MYO9B: variants seen among roughly 807,000 people sequenced by gnomAD.
MYO9B encodes the protein unconventional myosin-IXb.
A neutral mutation model predicts 229.5 loss-of-function variants in MYO9B; 71 were observed. The ratio of observed to expected loss-of-function variants is 0.31; its 90% CI spans 0.26 to 0.38. The LOEUF (loss-of-function observed/expected upper bound fraction) is 0.38, where lower values mean the gene tolerates loss of function less well. MYO9B is among the 10% of genes least tolerant of loss of function. The probability of loss-of-function intolerance (pLI) is 1.00; values close to 1 mark genes in which losing one functional copy is unlikely to be tolerated. For synonymous variants in MYO9B, 1,185 were observed against 1,235.8 expected, an observed-to-expected ratio of 0.96 and a Z score of 0.86; for missense variants, 2,255 against 2,920.5, an observed-to-expected ratio of 0.77 and a Z score of 5.25.
At chr19:17,104,055 CAA>C (rs34012365) in intron 2 of MYO9B, among the ~76,000 whole-genome samples, 86 of 135,948 alleles carry the variant, frequency 6.3e-4, no homozygotes, top group East Asian at 2.3e-3. Flanking sequence ...AACTCCATCT[CAA>C]AAAAAAAAAA....
chr19:17,157,955 C>T lies in MYO9B; in HGVS notation c.1329+917C>T, dbSNP rs148295736. On this transcript the variant is annotated intron_variant, in intron 7 of 39. Coordinates refer to ENST00000682292, the MANE Select transcript of MYO9B (RefSeq NM_004145.4). ...GACCTGCCATCCCCTCCTCCTCCAC[C>T]GGTTCTCAGCCAGGGGCAGTTCTGC... 3.0e-3 allele frequency among the ~76,000 whole-genome samples: 461 copies of T among 152,260 alleles called. 4 individuals are homozygous for T. The highest frequency in any genetic ancestry group is 0.024 in the Middle Eastern group (7 of 294).
chr19:17,093,583 C>G (rs1398004222), intron 1 of MYO9B, among the ~76,000 whole-genome samples: 1 of 151,552 alleles, frequency 6.6e-6, no homozygotes, highest in Non-Finnish European at 1.5e-5. Context: ...TGCCTGGGCT[C>G]AAGGGCTGAA....
At chr19:17,192,008 G>A (rs571942723) in intron 20 of MYO9B, among the ~76,000 whole-genome samples, 1 of 152,028 alleles carries the variant, frequency 6.6e-6, no homozygotes, top group South Asian at 2.1e-4. Flanking sequence ...CTGTTGCCCA[G>A]ACAGGTGGTG....
intron 4 of MYO9B, 69 bp downstream of exon 4, chr19:17,152,775 G>A (rs993975639): frequency 5.0e-6 from 7 of 1,389,180 alleles, no homozygotes; most frequent in Non-Finnish European, 6.1e-6. Context: ...ACAGAGGAGA[G>A]AAGCAAAGCA....
chr19:17,119,892 C>A (rs2057945206), intron 2 of MYO9B, among the ~76,000 whole-genome samples: 1 of 152,192 alleles, frequency 6.6e-6, no homozygotes, highest in African/African-American at 2.4e-5. Context: ...TCATGATCCA[C>A]CTGCCTCGGC....
At chr19:17,080,971 G>T (rs1259530032) in intron 1 of MYO9B, among the ~76,000 whole-genome samples, 1 of 152,240 alleles carries the variant, frequency 6.6e-6, no homozygotes, top group East Asian at 1.9e-4. Flanking sequence ...GGTGGACACA[G>T]CTCAGCCCAT....
chr19:17,113,071 A>T (rs1319558251), intron 2 of MYO9B, among the ~76,000 whole-genome samples: 1 of 152,198 alleles, frequency 6.6e-6, no homozygotes, highest in Non-Finnish European at 1.5e-5. Context: ...AGGAAGAGCA[A>T]TACCTGCAGT....
At chr19:17,088,509 G>A (rs1158992529) in intron 1 of MYO9B, among the ~76,000 whole-genome samples, 2 of 152,118 alleles carry the variant, frequency 1.3e-5, no homozygotes, top group African/African-American at 2.4e-5. Flanking sequence ...GCTGCTCCCC[G>A]AGGAGTTTCC....
Position 17,191,183 on chromosome 19 carries a change from G to A in MYO9B, c.2775G>A (p.Lys925=). 6.2e-7 allele frequency: 1 copy of A among 1,612,296 alleles called. No homozygotes were observed. The highest frequency in any genetic ancestry group is 8.5e-7 in the Non-Finnish European group (1 of 1,179,186). The part of the protein sequence containing the change: ...EVISTLLEKM[K]IDKRNYQIGK... ...TCTCCACCCTCCTGGAGAAAATGAA[G>A]ATAGACAAGAGGAACTACCAGATCG... Residue 925 remains lysine (K), a synonymous_variant, in exon 20 of 40, where the codon AAG becomes AAA. Transcript: ENST00000682292.
At chr19:17,126,975 C>T (rs1452155309) in intron 2 of MYO9B, among the ~76,000 whole-genome samples, 5 of 137,068 alleles carry the variant, frequency 3.6e-5, no homozygotes, top group African/African-American at 1.4e-4. Flanking sequence ...TGAGCCACCA[C>T]ACCCACCCGA....
chr19:17,091,094 G>A (rs1332477274), intron 1 of MYO9B, among the ~76,000 whole-genome samples: 2 of 152,174 alleles, frequency 1.3e-5, no homozygotes, highest in Admixed American at 1.3e-4. Flanking sequence ...CAGCCCAGAG[G>A]CGGACCACAT....
At chr19:17,132,039 C>G (rs2072203053) in intron 2 of MYO9B, among the ~76,000 whole-genome samples, 2 of 151,646 alleles carry the variant, frequency 1.3e-5, no homozygotes, top group African/African-American at 4.8e-5. Flanking sequence ...ATCACCACGC[C>G]TGGCTATTTT....
intron 2 of MYO9B, among the ~76,000 whole-genome samples, chr19:17,117,469 T>C (rs1279101731): frequency 6.6e-6 from 1 of 152,200 alleles, no homozygotes; most frequent in African/African-American, 2.4e-5. Flanking sequence ...TGACTGGCCC[T>C]GTGACCCCGA....
chr19:17,179,420 AT>A (rs747998068), intron 14 of MYO9B, among the ~76,000 whole-genome samples: 32,538 of 86,700 alleles, frequency 0.38, 6,146 homozygotes, highest in African/African-American at 0.6. Flanking sequence ...GCCCCAACTG[AT>A]TTTTTTTTTT....
Position 17,098,175 on chromosome 19 carries a change from C to T in MYO9B, c.-58-3485C>T, listed in dbSNP as rs144727998. ...ATTCAAGCGATTCTCCTGCCTCAGC[C>T]TCCCAAGTAGCTGGGATTACAGGCA... is the stretch of plus-strand genomic sequence containing the variant. On this transcript the variant is annotated intron_variant, in intron 1 of 39. Coordinates refer to ENST00000682292, the MANE Select transcript of MYO9B (RefSeq NM_004145.4). Among the ~76,000 whole-genome samples the T allele has an allele frequency of 6.0e-3, 915 of 152,232 alleles. 3 individuals carry two copies. The highest frequency in any genetic ancestry group is 0.011 in the Non-Finnish European group (717 of 68,008).
chr19:17,102,628 CGGT>C, intron 2 of MYO9B, 71 bp downstream of exon 2: 3 of 1,464,938 alleles, frequency 2.0e-6, no homozygotes, highest in Non-Finnish European at 2.7e-6. Flanking sequence ...AGGCCAAGCT[CGGT>C]GGCCCACATC....
In MYO9B at chr19:17,154,356, C is replaced by T; in HGVS notation, c.1140C>T (p.Asp380=). 2 of 1,613,380 alleles carry T rather than the reference C, an allele frequency of 1.2e-6. No homozygotes were observed. The highest frequency in any genetic ancestry group is 2.2e-5 in the East Asian group (1 of 44,854). ...AAGATGGGGAGGACCTGAAGCATGA[C>T]TTTGAGAGGCTCAAGCAGGCCATGG... ...KIEDGEDLKH[D]FERLKQAMEM... Residue 380 remains aspartate (D), a synonymous_variant, in exon 6 of 40, where the codon GAC becomes GAT. Transcript: ENST00000682292.
At position 17,194,833 on chromosome 19, in the gene MYO9B, G is replaced by C; in HGVS notation, c.3406G>C (p.Glu1136Gln). The C allele has an allele frequency of 6.2e-7, 1 of 1,613,342 alleles. No individual in the cohort carries two copies. Among genetic ancestry groups the C allele is most frequent in the Non-Finnish European group, 8.5e-7 (1 of 1,179,898 alleles). ...TLPPQKTVAA[E>Q]SHEKVPSSRE... ...CCCACCCCAGAAAACCGTGGCGGCT[G>C]AAAGTCACGAGAAAGTCCCCAGCAG... Residue 1136 changes from glutamate to glutamine, a missense_variant, in exon 22 of 40, where the codon GAA becomes CAA. Physicochemically the swap from Glu to Gln is conservative, Grantham distance 29. Transcript: ENST00000682292.
In MYO9B at chr19:17,206,322, C is replaced by T. The variant is rs1418499485; in HGVS notation, c.5332C>T (p.Leu1778=). The stretch of plus-strand genomic sequence containing the variant: ...GGTGCTGAAGCAGTGGCTGCGGGAG[C>T]TGCCCGAGCCCCTCATGACCTTCGC... ...TGVLKQWLRE[L]PEPLMTFAQY... Residue 1778 remains leucine (L), a synonymous_variant, in exon 33 of 40, where the codon CTG becomes TTG. Transcript: ENST00000682292. 9 of 1,590,446 alleles carry T rather than the reference C, an allele frequency of 5.7e-6. No homozygotes were observed. Among genetic ancestry groups the T allele is most frequent in the Non-Finnish European group, 7.7e-6 (9 of 1,169,274 alleles).
Sources: allele counts gnomAD v4.1 joint callset (sites outside exome capture counted in the v4.1 genomes callset), GRCh38; gene constraint gnomAD v4.1.1; transcripts MANE v1.5; gene names NCBI Gene and HGNC (gene_info 2026-07-23, HGNC 2026-07-21).